WLS: variants seen among roughly 807,000 people sequenced by gnomAD.
WLS encodes Wnt ligand secretion mediator.
A neutral mutation model predicts 62.8 loss-of-function variants in WLS; 23 were observed. The ratio of observed to expected loss-of-function variants is 0.37; its 90% confidence interval spans 0.26 to 0.52. The LOEUF is 0.52. WLS is among the 20% of genes least tolerant of loss of function. WLS has a pLI of 0.92. For missense variants in WLS, 615 were observed against 697.3 expected, an observed-to-expected ratio of 0.88 and a Z score of 1.33; for synonymous variants, 246 against 244.1, an observed-to-expected ratio of 1.01 and a Z score of -0.07.
intron 2 of WLS, among the ~76,000 whole-genome samples, chr1:68,192,861 A>C (rs986470430): frequency 3.3e-5 from 5 of 150,258 alleles, no homozygotes; most frequent in Non-Finnish European, 7.4e-5. Flanking sequence ...TTGGGAGGCC[A>C]AGGTGGGTGG....
chr1:68,168,732 T>G (rs1437277679), intron 2 of WLS, among the ~76,000 whole-genome samples: 4 of 152,222 alleles, frequency 2.6e-5, no homozygotes, highest in Admixed American at 6.5e-5. Context: ...AGAGTTTGTT[T>G]GGGTAACCTC....
intron 11 of WLS, among the ~76,000 whole-genome samples, chr1:68,108,986 T>A (rs988141006): frequency 6.6e-6 from 1 of 152,256 alleles, no homozygotes; most frequent in Non-Finnish European, 1.5e-5. Context: ...TATGAAATGC[T>A]TAGTGCTATA....
chr1:68,102,968 C>T (rs1557440790), intron 11 of WLS, among the ~76,000 whole-genome samples: 1 of 152,166 alleles, frequency 6.6e-6, no homozygotes, highest in East Asian at 1.9e-4. Context: ...CTTTCTTCCC[C>T]TGGCAGTGCT....
chr1:68,193,432 A>AAAAAAAAAAAC (rs1438835767), intron 2 of WLS, among the ~76,000 whole-genome samples: 3 of 141,134 alleles, frequency 2.1e-5, no homozygotes, highest in African/African-American at 5.6e-5. Context: ...AAAAAAAAAA[A>AAAAAAAAAAAC]AAAAAAAAAA....
At chr1:68,180,896 T>A (rs1281706708) in intron 2 of WLS, among the ~76,000 whole-genome samples, 1 of 152,192 alleles carries the variant, frequency 6.6e-6, no homozygotes, top group Non-Finnish European at 1.5e-5. Flanking sequence ...CTTCTTCCTA[T>A]AAAGAATTAC....
chr1:68,185,967 A>T (rs1447725437), intron 2 of WLS, among the ~76,000 whole-genome samples: 2 of 152,156 alleles, frequency 1.3e-5, no homozygotes, highest in African/African-American at 4.8e-5. Context: ...CCACCCTTCT[A>T]ATCATGCCTT....
chr1:68,200,694 T>G (rs1268599228), intron 1 of WLS, among the ~76,000 whole-genome samples: 5 of 152,166 alleles, frequency 3.3e-5, no homozygotes, highest in Non-Finnish European at 5.9e-5. Context: ...TCTATGAAGT[T>G]GAATGGCTCA....
At chr1:68,196,414 T>C (rs2100611503) in intron 1 of WLS, among the ~76,000 whole-genome samples, 1 of 152,198 alleles carries the variant, frequency 6.6e-6, no homozygotes, top group East Asian at 1.9e-4. Context: ...AATATGTGTA[T>C]TTCTGTGCAT....
chr1:68,159,234 T>G lies in WLS; in HGVS notation c.393A>C (p.Glu131Asp). 1 of 1,612,986 alleles carries G rather than the reference T, an allele frequency of 6.2e-7. No homozygotes were observed. Among genetic ancestry groups the G allele is most frequent in the Non-Finnish European group, 8.5e-7 (1 of 1,179,746 alleles). ...KLNNQIRENA[E>D]VSMDVSLAYR... ...AAGCCAGGGAAACGTCCATGGAGAC[T>G]TCTGCATTTTCTCCTGCAAGAGAAA... The change falls in exon 3 of 12, where the codon GAA (glutamate) becomes GAC (aspartate). Residue 131 changes from glutamate to aspartate, a missense_variant. Coordinates refer to ENST00000262348, the MANE Select transcript of WLS (RefSeq NM_024911.7).
At chr1:68,133,529 G>C (rs1043099895) in intron 11 of WLS, among the ~76,000 whole-genome samples, 11 of 152,134 alleles carry the variant, frequency 7.2e-5, no homozygotes, top group Admixed American at 5.9e-4. Context: ...ATGGCACAAG[G>C]CTAAGTACTA....
Position 68,185,425 on chromosome 1 carries a change from C to T in WLS, c.379+8530G>A, listed in dbSNP as rs1647869044. 1.3e-5 allele frequency among the ~76,000 whole-genome samples: 2 copies of T among 152,156 alleles called. 1 individual carries two copies. The highest frequency in any genetic ancestry group is 4.1e-4 in the South Asian group (2 of 4,824). ...GCAGGGATCCCTGACCCTCTGGCAGCAGACAGGTACCAGTCAGTGGCCTGT... is the reference window on the plus strand; with the variant it reads ...GCAGGGATCCCTGACCCTCTGGCAGTAGACAGGTACCAGTCAGTGGCCTGT... On this transcript the variant is annotated intron_variant, in intron 2 of 11. Transcript: ENST00000262348.
chr1:68,110,973 A>G (rs1646221848), intron 11 of WLS, among the ~76,000 whole-genome samples: 1 of 152,172 alleles, frequency 6.6e-6, no homozygotes, highest in African/African-American at 2.4e-5. Context: ...TATAATCTTG[A>G]AATTTATTTA....
intron 9 of WLS, among the ~76,000 whole-genome samples, chr1:68,145,304 C>A (rs1646738252): frequency 2.6e-5 from 4 of 152,178 alleles, no homozygotes; most frequent in African/African-American, 9.7e-5. Flanking sequence ...CCCAGGGGAT[C>A]CCTGATAAAT....
At chr1:68,185,246 G>A (rs559012598) in intron 2 of WLS, among the ~76,000 whole-genome samples, 37 of 152,276 alleles carry the variant, frequency 2.4e-4, no homozygotes, top group African/African-American at 5.1e-4. Context: ...ATAAATACGC[G>A]TTCCCATGAC....
At chr1:68,104,375 C>T (rs143722480) in intron 11 of WLS, among the ~76,000 whole-genome samples, 29 of 152,228 alleles carry the variant, frequency 1.9e-4, no homozygotes, top group African/African-American at 5.5e-4. Flanking sequence ...CTTTTGGAAA[C>T]ATAATAGTTC....
intron 2 of WLS, among the ~76,000 whole-genome samples, chr1:68,188,158 C>T (rs1648079209): frequency 6.6e-6 from 1 of 152,194 alleles, no homozygotes; most frequent in Admixed American, 6.5e-5. Context: ...ACAGGCTGCT[C>T]GAAAGCAGCA....
At chr1:68,187,382 G>A (rs1376191835) in intron 2 of WLS, among the ~76,000 whole-genome samples, 4 of 151,784 alleles carry the variant, frequency 2.6e-5, no homozygotes, top group Admixed American at 6.6e-5. Context: ...CATGTTATAA[G>A]AAAATTAAGG....
intron 11 of WLS, chr1:68,098,958 A>C (rs1646042881): frequency 3.1e-6 from 2 of 654,038 alleles, no homozygotes; most frequent in South Asian, 2.9e-5. Flanking sequence ...TCTCAATAGC[A>C]CCTCCTCCCT....
At chr1:68,228,311 C>A in intron 1 of WLS, 1 of 418,894 alleles carries the variant, frequency 2.4e-6, no homozygotes, top group Non-Finnish European at 4.7e-6. Flanking sequence ...ATACTCTTAG[C>A]AGTTTTAGAA....
Sources: gnomAD v4.1 joint callset for allele counts (sites outside exome capture counted in the v4.1 genomes callset) on GRCh38, gnomAD v4.1.1 for gene constraint, MANE v1.5 for transcripts, NCBI Gene and HGNC (gene_info 2026-07-23, HGNC 2026-07-21) for gene names.